The following EFCAB11 variants were observed in gnomAD, a reference collection of about 807,000 sequenced individuals.
EFCAB11 encodes EF-hand calcium binding domain 11.
Under a neutral mutation model 23.0 loss-of-function variants are expected in EFCAB11, and 14 were observed. The observed-to-expected ratio is 0.61, with a 90% CI of 0.40 to 0.95. The LOEUF is 0.95. Ranked by LOEUF, EFCAB11 falls within the 40% of genes least tolerant of loss-of-function variation. EFCAB11 has a pLI of 0.00. For synonymous variants in EFCAB11, 65 were observed against 66.6 expected (o/e 0.98, Z 0.11); for missense variants, 198 against 195.8 (o/e 1.01, Z -0.07).
Position 89,896,244 on chromosome 14 carries a change from C to T in EFCAB11, c.410+35297G>A, listed in dbSNP as rs560131453. Among the ~76,000 whole-genome samples the T allele has an allele frequency of 7.9e-5, 12 of 152,168 alleles. No individual in the cohort carries two copies. The South Asian group carries it at 1.9e-3, about 24-fold the overall frequency. The stretch of plus-strand genomic sequence containing the variant: ...CTAAAAATACAAAAAATTAGCCGGG[C>T]GTGGCGGCGGACCCCTGTAGTCCCA... On this transcript the variant is annotated intron_variant, in intron 5 of 5. Coordinates refer to ENST00000316738, the MANE Select transcript of EFCAB11 (RefSeq NM_145231.4).
chr14:89,872,186 T>C (rs924678639), intron 5 of EFCAB11, among the ~76,000 whole-genome samples: 4 of 152,264 alleles, frequency 2.6e-5, no homozygotes, highest in African/African-American at 4.8e-5. Flanking sequence ...TCTCATATAA[T>C]AATTCAACAG....
chr14:89,896,330 C>A (rs1889159323), intron 5 of EFCAB11, among the ~76,000 whole-genome samples: 1 of 151,926 alleles, frequency 6.6e-6, no homozygotes, highest in Non-Finnish European at 1.5e-5. Context: ...GCGGAGCTTG[C>A]AGTGAGCCGA....
chr14:89,930,611 T>C (rs1274901518), intron 5 of EFCAB11, among the ~76,000 whole-genome samples: 1 of 152,208 alleles, frequency 6.6e-6, no homozygotes, highest in Non-Finnish European at 1.5e-5. Flanking sequence ...ACTTAATATT[T>C]GACTGCTGAA....
intron 5 of EFCAB11, among the ~76,000 whole-genome samples, chr14:89,877,217 T>G (rs1888467241): frequency 6.6e-6 from 1 of 152,110 alleles, no homozygotes; most frequent in Non-Finnish European, 1.5e-5. Context: ...TTTTGGTATT[T>G]TTAGTAGAGA....
At position 89,896,337 on chromosome 14, in the gene EFCAB11, C is replaced by T. The variant is rs372098328; in HGVS notation, c.410+35204G>A. Among the ~76,000 whole-genome samples the T allele has an allele frequency of 4.8e-4, 73 of 152,144 alleles. No individual in the cohort carries two copies. The South Asian group carries it at 0.014, about 29-fold the overall frequency. On this transcript the variant is annotated intron_variant, in intron 5 of 5. Coordinates refer to ENST00000316738, the MANE Select transcript of EFCAB11 (RefSeq NM_145231.4). ...CCCGGGAGGCGGAGCTTGCAGTGAG[C>T]CGAGATCGTGCCACTGCACTCCAGC...
At chr14:89,908,548 C>T (rs1167053121) in intron 5 of EFCAB11, among the ~76,000 whole-genome samples, 1 of 152,048 alleles carries the variant, frequency 6.6e-6, no homozygotes, top group African/African-American at 2.4e-5. Context: ...ATATATGAAA[C>T]TTAAATGAAT....
intron 5 of EFCAB11, among the ~76,000 whole-genome samples, chr14:89,834,759 GA>G (rs1318604662): frequency 6.6e-6 from 1 of 152,208 alleles, no homozygotes; most frequent in Non-Finnish European, 1.5e-5. Context: ...ACAGTGGACT[GA>G]AAGAGATTTG....
intron 5 of EFCAB11, among the ~76,000 whole-genome samples, chr14:89,833,348 C>G (rs1423595263): frequency 6.6e-6 from 1 of 152,158 alleles, no homozygotes; most frequent in Non-Finnish European, 1.5e-5. Flanking sequence ...GAAATGCTGG[C>G]AGGTAAAGCC....
At chr14:89,801,439 C>G (rs1413615705) in intron 5 of EFCAB11, among the ~76,000 whole-genome samples, 1 of 150,812 alleles carries the variant, frequency 6.6e-6, no homozygotes, top group Non-Finnish European at 1.5e-5. Context: ...CAGGATGATC[C>G]ATCCACTGAA....
At chr14:89,873,767 C>T (rs146634124) in intron 5 of EFCAB11, among the ~76,000 whole-genome samples, 2,364 of 152,338 alleles carry the variant, frequency 0.016, 38 homozygotes, top group Middle Eastern at 0.058. Flanking sequence ...ATCCAGGACA[C>T]GCTGATGTAA....
At chr14:89,916,049 G>A (rs532509679) in intron 5 of EFCAB11, among the ~76,000 whole-genome samples, 1 of 151,666 alleles carries the variant, frequency 6.6e-6, no homozygotes, top group Non-Finnish European at 1.5e-5. Context: ...AAGCCCTTAA[G>A]GCACAACTCC....
At chr14:89,939,504 AG>A (rs1234317401) in intron 3 of EFCAB11, among the ~76,000 whole-genome samples, 2 of 152,278 alleles carry the variant, frequency 1.3e-5, no homozygotes, top group East Asian at 3.9e-4. Context: ...CAGGAGCAGG[AG>A]GCGGGGCACA....
At chr14:89,952,700 C>T in intron 2 of EFCAB11, 1 of 759,480 alleles carries the variant, frequency 1.3e-6, no homozygotes, top group Non-Finnish European at 1.6e-6. Context: ...GGCGGAGAGG[C>T]ATGACATCAC....
chr14:89,803,240 G>T (rs532240963), intron 5 of EFCAB11, among the ~76,000 whole-genome samples: 1 of 152,284 alleles, frequency 6.6e-6, no homozygotes, highest in Non-Finnish European at 1.5e-5. Context: ...TTGCTTTAAA[G>T]ACTTTTTCTT....
intron 5 of EFCAB11, among the ~76,000 whole-genome samples, chr14:89,904,411 T>C (rs1889432868): frequency 6.6e-6 from 1 of 152,230 alleles, no homozygotes; most frequent in African/African-American, 2.4e-5. Context: ...GTCTTTACTA[T>C]TGTGAATAGT....
chr14:89,833,419 A>ATAT (rs1364130725), intron 5 of EFCAB11, among the ~76,000 whole-genome samples: 2 of 152,236 alleles, frequency 1.3e-5, no homozygotes, highest in Non-Finnish European at 2.9e-5. Context: ...ATTACATAAT[A>ATAT]TCCACTCTAA....
At position 89,824,946 on chromosome 14, in the gene EFCAB11, G is replaced by C. The variant is rs563425053; in HGVS notation, c.411-27622C>G. 6.6e-5 allele frequency among the ~76,000 whole-genome samples: 10 copies of C among 151,988 alleles called. 1 individual carries two copies. On this transcript the variant is annotated intron_variant, in intron 5 of 5. Transcript: ENST00000316738. ...TTAACATTTCTCTCTCAGTAAATGA[G>C]AGAACACAGAGACAGGAAATCAGTA...
intron 5 of EFCAB11, chr14:89,923,502 C>A (rs1253523188): frequency 4.8e-5 from 9 of 188,392 alleles, no homozygotes; most frequent in Non-Finnish European, 8.9e-5. Flanking sequence ...AGAGAAGACA[C>A]AAAATTTCAT....
At chr14:89,870,767 T>TAAAAAAAA (rs56920547) in intron 5 of EFCAB11, among the ~76,000 whole-genome samples, 2 of 102,972 alleles carry the variant, frequency 1.9e-5, no homozygotes, top group African/African-American at 7.2e-5. Context: ...TCATCTCTAC[T>TAAAAAAAA]AAAAAAAAAA....
Sources: allele counts gnomAD v4.1 joint callset (sites outside exome capture counted in the v4.1 genomes callset), GRCh38; gene constraint gnomAD v4.1.1; transcripts MANE v1.5; gene names NCBI Gene and HGNC (gene_info 2026-07-23, HGNC 2026-07-21).